The following GALNT10 variants were observed in gnomAD, a reference collection of about 807,000 sequenced individuals.
GALNT10 encodes GalNAc transferase 10.
Under a neutral mutation model 75.0 loss-of-function variants are expected in GALNT10, and 41 were observed. The ratio of observed to expected loss-of-function variants is 0.55; its 90% CI spans 0.43 to 0.71. GALNT10 has a LOEUF of 0.71. Among genes scored for constraint, GALNT10 ranks in the 30% least tolerant of loss-of-function variants. GALNT10 has a pLI of 0.00. For synonymous variants in GALNT10, 302 were observed against 313.0 expected (o/e 0.96, Z 0.37); for missense variants, 727 against 818.5 (o/e 0.89, Z 1.36).
chr5:154,192,495 C>G (rs1366472385), intron 1 of GALNT10, among the ~76,000 whole-genome samples: 1 of 152,184 alleles, frequency 6.6e-6, no homozygotes, highest in Non-Finnish European at 1.5e-5. Context: ...TCAGGAGTTC[C>G]AGGGTTCTGA....
rs146190025 is a variant in GALNT10 at position 154,308,757 on chromosome 5, A to G, written c.401+10678A>G. On this transcript the variant is annotated intron_variant, in intron 3 of 11. Coordinates refer to ENST00000297107, the MANE Select transcript of GALNT10 (RefSeq NM_198321.4). Reference sequence around the variant, plus strand: ...CAGCCAGCCCTTACTCAGGCTTATTATGCTAAAATGATCAAGAGATAGTCC... The same window carrying G: ...CAGCCAGCCCTTACTCAGGCTTATTGTGCTAAAATGATCAAGAGATAGTCC... 8.3e-3 allele frequency among the ~76,000 whole-genome samples: 1,268 copies of G among 152,300 alleles called. 18 individuals carry two copies. The highest frequency in any genetic ancestry group is 0.024 in the South Asian group (118 of 4,828).
chr5:154,200,031 G>A lies in GALNT10; in HGVS notation c.159+9006G>A, dbSNP rs117373691. Among the ~76,000 whole-genome samples the A allele has an allele frequency of 2.4e-4, 36 of 152,294 alleles. No homozygotes were observed. The East Asian group carries it at 6.2e-3, about 26-fold the overall frequency. On this transcript the variant is annotated intron_variant, in intron 1 of 11. Coordinates refer to ENST00000297107, the MANE Select transcript of GALNT10 (RefSeq NM_198321.4). ...GGAAACAGGATTCCAATCCAGCTGG[G>A]ATGCTTCCTTCCGGTATCTGCGCCA...
chr5:154,247,047 C>A (rs1218138620), intron 1 of GALNT10, among the ~76,000 whole-genome samples: 1 of 152,172 alleles, frequency 6.6e-6, no homozygotes, highest in African/African-American at 2.4e-5. Flanking sequence ...GTTTTCCCAG[C>A]ACCATGTATT....
intron 1 of GALNT10, among the ~76,000 whole-genome samples, chr5:154,257,715 C>T (rs942016997): frequency 6.6e-6 from 1 of 151,726 alleles, no homozygotes; most frequent in African/African-American, 2.4e-5. Flanking sequence ...GCTTTATTTT[C>T]CCATGCATGA....
chr5:154,396,446 C>T (rs1756020968), intron 7 of GALNT10, among the ~76,000 whole-genome samples: 1 of 152,094 alleles, frequency 6.6e-6, no homozygotes. Flanking sequence ...GCAGACAATA[C>T]AAGTGCTGTT....
rs759721389 is a variant in GALNT10, at chr5:154,416,773, G to A, written c.1654-41G>A. The A allele has an allele frequency of 3.3e-6, 5 of 1,494,946 alleles. No homozygotes were observed. In the Admixed American group the frequency reaches 6.7e-5, roughly 20 times the overall value. 92.6% of individuals were successfully genotyped at this position (1,494,946 alleles called of 1,614,324 possible). On this transcript the variant is annotated intron_variant, in intron 11 of 11. Transcript: ENST00000297107. The surrounding 1 kb of genome is among the most constrained non-coding windows in gnomAD (Gnocchi z 4.5). ...GTTGCTGTGGTTTGACTGGCCACAT[G>A]TCTCCAGTGCTGTCTGGCTTATTAC... is the stretch of plus-strand genomic sequence containing the variant.
At chr5:154,355,490 C>A (rs889657100) in intron 4 of GALNT10, among the ~76,000 whole-genome samples, 1 of 152,184 alleles carries the variant, frequency 6.6e-6, no homozygotes, top group African/African-American at 2.4e-5. Context: ...CTCTCAAGCT[C>A]AGGAGGGAGC....
intron 4 of GALNT10, among the ~76,000 whole-genome samples, chr5:154,357,627 A>G (rs963441356): frequency 2.6e-5 from 4 of 152,082 alleles, no homozygotes; most frequent in Admixed American, 1.3e-4. Flanking sequence ...AATATTGAGA[A>G]CTCCCATAAA....
chr5:154,286,909 T>C (rs796993852), intron 1 of GALNT10, among the ~76,000 whole-genome samples: 16 of 152,344 alleles, frequency 1.1e-4, no homozygotes, highest in African/African-American at 3.6e-4. Flanking sequence ...TCAGGTTTGA[T>C]TGTTTTCTCA....
chr5:154,393,402 C>A (rs1206823947), intron 7 of GALNT10, among the ~76,000 whole-genome samples: 1 of 152,210 alleles, frequency 6.6e-6, no homozygotes, highest in African/African-American at 2.4e-5. Context: ...GACTCAGTGC[C>A]ATGAACCCTT....
At chr5:154,403,812 A>C in intron 7 of GALNT10, 1 of 413,900 alleles carries the variant, frequency 2.4e-6, no homozygotes, top group Non-Finnish European at 4.4e-6. Context: ...CCATTTCAGC[A>C]TCTGTAAAAT....
At chr5:154,312,632 G>A (rs1754538377) in intron 3 of GALNT10, among the ~76,000 whole-genome samples, 1 of 152,178 alleles carries the variant, frequency 6.6e-6, no homozygotes, top group Non-Finnish European at 1.5e-5. Context: ...CAGTTCCTCT[G>A]TAGACAGACA....
In GALNT10 at chr5:154,417,030, T is replaced by C. The variant is rs1255901426; in HGVS notation, c.*58T>C. On this transcript the variant is annotated 3_prime_UTR_variant, in exon 12 of 12. Coordinates refer to ENST00000297107, the MANE Select transcript of GALNT10 (RefSeq NM_198321.4). ...TCTGGCACTCACTGCAGACTTCCTCTTTCAAGGGAGGCAGGGCCCCTGTGG... is the reference window on the plus strand; with the variant it reads ...TCTGGCACTCACTGCAGACTTCCTCCTTCAAGGGAGGCAGGGCCCCTGTGG... 5 of 1,521,882 alleles carry C rather than the reference T, an allele frequency of 3.3e-6. No homozygotes were observed. The African/African-American group carries it at 5.5e-5, about 17-fold the overall frequency. The allele number at this position is 1,521,882 out of a possible 1,614,324, so 94.3% of individuals were successfully genotyped here.
chr5:154,271,343 GT>G (rs1242245065), intron 1 of GALNT10, among the ~76,000 whole-genome samples: 2 of 152,148 alleles, frequency 1.3e-5, no homozygotes, highest in Admixed American at 1.3e-4. Context: ...GCGGGTGCCT[GT>G]AATCCCAGAC....
rs149400275 is a variant in GALNT10 at position 154,344,979 on chromosome 5, G to A, written c.568+15241G>A. ...AATCAGGCCCACAGTCATAGCCCCC[G>A]AGTCCAGGCTGTCTGTCCCCAGTGG... On this transcript the variant is annotated intron_variant, in intron 4 of 11. Coordinates refer to ENST00000297107, the MANE Select transcript of GALNT10 (RefSeq NM_198321.4). Among the ~76,000 whole-genome samples, 147 of 152,256 alleles carry A rather than the reference G, an allele frequency of 9.7e-4. No individual in the cohort carries two copies. In the East Asian group the frequency reaches 0.024, roughly 25 times the overall value.
chr5:154,370,960 C>T (rs1325518486), intron 4 of GALNT10, among the ~76,000 whole-genome samples: 1 of 152,208 alleles, frequency 6.6e-6, no homozygotes. Context: ...GAGAATCTTA[C>T]TGCTCCTATC....
At position 154,415,893 on chromosome 5, in the gene GALNT10, C is replaced by T. The variant is rs773427172; in HGVS notation, c.1614C>T (p.Cys538=). The T allele has an allele frequency of 1.9e-6, 3 of 1,614,078 alleles. No individual in the cohort carries two copies. The South Asian group carries it at 3.3e-5, about 18-fold the overall frequency. Residue 538 remains cysteine (C), a synonymous_variant, in exon 11 of 12, where the codon TGC becomes TGT. Transcript: ENST00000297107. ...SHTSPVTLYD[C]HSMKGNQLWK... ...CCAGCCCTGTCACGCTGTACGACTG[C>T]CACAGCATGAAGGGCAACCAGCTGT... is the stretch of plus-strand genomic sequence containing the variant.
chr5:154,325,444 G>A (rs889539911), intron 3 of GALNT10, among the ~76,000 whole-genome samples: 6 of 152,062 alleles, frequency 3.9e-5, no homozygotes, highest in African/African-American at 1.4e-4. Context: ...TGCCTTATAA[G>A]TATTGATGCA....
At chr5:154,265,990 CA>C (rs1317972765) in intron 1 of GALNT10, among the ~76,000 whole-genome samples, 1 of 151,866 alleles carries the variant, frequency 6.6e-6, no homozygotes, top group East Asian at 1.9e-4. Flanking sequence ...AAAACTCATC[CA>C]GAAGCTTTCT....
Sources: gnomAD v4.1 joint callset for allele counts (sites outside exome capture counted in the v4.1 genomes callset) on GRCh38, gnomAD v4.1.1 for gene constraint, Gnocchi (gnomAD v3.1) non-coding constraint, MANE v1.5 for transcripts, NCBI Gene and HGNC (gene_info 2026-07-23, HGNC 2026-07-21) for gene names.